NOX4: variants seen among roughly 807,000 people sequenced by gnomAD.
NOX4 encodes NADPH oxidase 4, also known as kidney oxidase-1.
NOX4 carries 69 observed loss-of-function variants against 87.6 expected under a neutral mutation model. That is an observed-to-expected ratio of 0.79 (90% CI 0.65 to 0.96). The LOEUF is 0.96. Ranked by LOEUF, NOX4 falls within the 40% of genes least tolerant of loss-of-function variation. The pLI is 0.00. For missense variants in NOX4, 680 were observed against 681.5 expected, an observed-to-expected ratio of 1.00 and a Z score of 0.02; for synonymous variants, 275 against 238.2, an observed-to-expected ratio of 1.15 and a Z score of -1.42.
the NOX4 span, among the ~76,000 whole-genome samples, chr11:89,573,094 C>T: frequency 6.6e-6 from 1 of 152,160 alleles, no homozygotes; most frequent in African/African-American, 2.4e-5. Context: ...AACACCTTTT[C>T]CTTCAAAGTA....
At chr11:89,509,576 T>C in the NOX4 span, among the ~76,000 whole-genome samples, 49 of 152,140 alleles carry the variant, frequency 3.2e-4, no homozygotes, top group African/African-American at 1.1e-3. Context: ...GATAAATACA[T>C]AAAGATTTAG....
rs867025472 is a variant in NOX4 at position 89,343,149 on chromosome 11, C to T, written c.1218-956G>A. 2.0e-4 allele frequency among the ~76,000 whole-genome samples: 30 copies of T among 152,256 alleles called. No individual in the cohort carries two copies. In the Middle Eastern group the frequency reaches 0.014, roughly 69 times the overall value. The stretch of plus-strand genomic sequence containing the variant: ...TTTGGACAGGACGACTAGAACTCAG[C>T]GTTCTAGTCATTTACTAAGGCTGGG... On this transcript the variant is annotated intron_variant, in intron 13 of 17. Coordinates refer to ENST00000263317, the MANE Select transcript of NOX4 (RefSeq NM_016931.5).
chr11:89,576,934 A>T, the NOX4 span: 14 of 152,244 alleles, frequency 9.2e-5, 1 homozygote, highest in South Asian at 1.0e-3. Context: ...GCTATTGGTA[A>T]ATTTAAAAGT....
At chr11:89,580,605 C>G in the NOX4 span, among the ~76,000 whole-genome samples, 101 of 152,242 alleles carry the variant, frequency 6.6e-4, 2 homozygotes, top group South Asian at 0.019. Context: ...TGGGCAAAAT[C>G]ATTTAATTAG....
chr11:89,575,889 A>T, the NOX4 span, among the ~76,000 whole-genome samples: 1 of 152,206 alleles, frequency 6.6e-6, no homozygotes, highest in Non-Finnish European at 1.5e-5. Flanking sequence ...GTCTCTGAAC[A>T]TTTGTTGTCA....
chr11:89,491,143 A>C, intron 1 of NOX4, 47 bp downstream of exon 1: 1 of 1,565,654 alleles, frequency 6.4e-7, no homozygotes, highest in Non-Finnish European at 8.8e-7. Context: ...AATCAAAATC[A>C]CTGCAGGACA....
intron 7 of NOX4, among the ~76,000 whole-genome samples, chr11:89,431,118 T>C (rs1943757527): frequency 6.6e-6 from 1 of 152,166 alleles, no homozygotes; most frequent in Non-Finnish European, 1.5e-5. Flanking sequence ...AATTCCCTAT[T>C]TAATAAATGG....
the NOX4 span, among the ~76,000 whole-genome samples, chr11:89,576,452 T>TA: frequency 6.6e-6 from 1 of 152,242 alleles, no homozygotes; most frequent in Admixed American, 6.5e-5. Flanking sequence ...TGAGAAATCT[T>TA]AAAAATCATA....
intron 11 of NOX4, among the ~76,000 whole-genome samples, chr11:89,395,379 G>A (rs1239581444): frequency 5.9e-5 from 9 of 152,166 alleles, no homozygotes; most frequent in Non-Finnish European, 1.2e-4. Flanking sequence ...ATGTGTCTAA[G>A]TTCTTTGTAG....
At chr11:89,571,700 A>AT in the NOX4 span, among the ~76,000 whole-genome samples, 109 of 151,830 alleles carry the variant, frequency 7.2e-4, 1 homozygote, top group African/African-American at 2.4e-3. Context: ...TGAAAAAAAA[A>AT]AAAATAAACC....
the NOX4 span, among the ~76,000 whole-genome samples, chr11:89,512,829 C>A: frequency 1.3e-5 from 2 of 152,062 alleles, no homozygotes; most frequent in African/African-American, 4.8e-5. Context: ...ATTATACTTG[C>A]AGTTACTGGT....
At chr11:89,496,451 A>G (rs978869198), upstream of NOX4, among the ~76,000 whole-genome samples, 2 of 152,212 alleles carry the variant, frequency 1.3e-5, no homozygotes, top group African/African-American at 2.4e-5. Context: ...TCTAGATTTC[A>G]TAGACCAATA....
the NOX4 span, among the ~76,000 whole-genome samples, chr11:89,560,996 C>CTCTCTATATATATATATA: frequency 4.9e-5 from 2 of 40,800 alleles, no homozygotes; most frequent in African/African-American, 2.6e-4. Context: ...CTCTCTCTCT[C>CTCTCTATATATATATATA]TATATATATA....
At chr11:89,460,820 A>C (rs953706526) in intron 2 of NOX4, among the ~76,000 whole-genome samples, 2 of 152,204 alleles carry the variant, frequency 1.3e-5, no homozygotes, top group Non-Finnish European at 2.9e-5. Context: ...ATATACCCAG[A>C]GGATTATGAA....
At chr11:89,381,486 A>C (rs772819531) in intron 11 of NOX4, among the ~76,000 whole-genome samples, 1 of 151,830 alleles carries the variant, frequency 6.6e-6, no homozygotes, top group Non-Finnish European at 1.5e-5. Context: ...TGCCTGCCAG[A>C]GAACAACCCC....
At chr11:89,405,124 G>A (rs1942098357) in intron 8 of NOX4, among the ~76,000 whole-genome samples, 1 of 150,460 alleles carries the variant, frequency 6.6e-6, no homozygotes, top group South Asian at 2.1e-4. Flanking sequence ...GTTGGAATGG[G>A]GCTGCTTATA....
chr11:89,341,124 CTTTTTTTTT>C (rs994563200), intron 14 of NOX4, among the ~76,000 whole-genome samples: 40 of 123,942 alleles, frequency 3.2e-4, no homozygotes, highest in African/African-American at 1.0e-3. Flanking sequence ...ACAATTTCAC[CTTTTTTTTT>C]TTTTTTTTTG....
the NOX4 span, among the ~76,000 whole-genome samples, chr11:89,571,027 G>A: frequency 5.0e-3 from 761 of 152,164 alleles, 3 homozygotes; most frequent in African/African-American, 0.01. Flanking sequence ...GCTCAGTTAC[G>A]TTCATGAAAT....
chr11:89,343,431 G>A (rs1333361202), intron 13 of NOX4, among the ~76,000 whole-genome samples: 5 of 151,878 alleles, frequency 3.3e-5, no homozygotes, highest in Admixed American at 3.3e-4. Flanking sequence ...TGATTTCAAG[G>A]CCCTTAGAGA....
Sources: allele counts gnomAD v4.1 joint callset (sites outside exome capture counted in the v4.1 genomes callset), GRCh38; gene constraint gnomAD v4.1.1; transcripts MANE v1.5; gene names NCBI Gene and HGNC (gene_info 2026-07-23, HGNC 2026-07-21).